PITPNM3: variants seen among roughly 807,000 people sequenced by gnomAD.
The protein encoded by PITPNM3 is membrane-associated phosphatidylinositol transfer protein 3.
PITPNM3 carries 26 observed loss-of-function variants against 102.0 expected under a neutral mutation model. The observed-to-expected ratio is 0.25, with a 90% CI of 0.19 to 0.35. PITPNM3 has a LOEUF of 0.35. PITPNM3 is among the 10% of genes least tolerant of loss of function. PITPNM3 has a pLI of 1.00. For missense variants in PITPNM3, 1,083 were observed against 1,346.1 expected (o/e 0.80, Z 3.06); for synonymous variants, 578 against 558.6 (o/e 1.03, Z -0.49).
chr17:6,485,656 T>C (rs184908073), intron 4 of PITPNM3, among the ~76,000 whole-genome samples: 2 of 152,374 alleles, frequency 1.3e-5, no homozygotes, highest in Admixed American at 1.3e-4. Flanking sequence ...GAAACATTAC[T>C]GGCATTGCCC....
At chr17:6,474,410 C>T (rs775627216) in intron 10 of PITPNM3, 22 bp downstream of exon 10, 4 of 1,611,754 alleles carry the variant, frequency 2.5e-6, no homozygotes, top group Non-Finnish European at 3.4e-6. Context: ...GCACCTCAGG[C>T]CCCAGCCCAC....
chr17:6,476,899 G>T, intron 9 of PITPNM3, 130 bp downstream of exon 9: 1 of 1,135,940 alleles, frequency 8.8e-7, no homozygotes. Context: ...GATGGCGAGT[G>T]GCCTTGGTCC....
rs374737546 is a variant in PITPNM3 at position 6,457,745 on chromosome 17, G to A, written c.2491-23C>T. 36 of 1,566,266 alleles carry A rather than the reference G, an allele frequency of 2.3e-5. No homozygotes were observed. Among genetic ancestry groups the A allele is most frequent in the Non-Finnish European group, 3.0e-5 (35 of 1,155,176 alleles). On this transcript the variant is annotated intron_variant, in intron 18 of 19. Coordinates refer to ENST00000262483, the MANE Select transcript of PITPNM3 (RefSeq NM_031220.4). This position sits in a 1 kb window ranked among gnomAD's most constrained non-coding sequence, Gnocchi z 4.7. ...GCACTGAAACACAGGGCAGGCATAG[G>A]GGGAGAGTGAGGCCAGCCCACCCCC...
At chr17:6,503,416 G>A (rs1907302444) in intron 4 of PITPNM3, 111 bp downstream of exon 4, 12 of 1,291,808 alleles carry the variant, frequency 9.3e-6, no homozygotes, top group South Asian at 1.2e-5. Flanking sequence ...CAAGATGGCA[G>A]GGATCCTGCC....
At position 6,468,711 on chromosome 17, in the gene PITPNM3, A is replaced by AGCCATGCTCCCCTCCC. The variant is rs1904910126; in HGVS notation, c.1774-386_1774-371dup. On this transcript the variant is annotated intron_variant, in intron 13 of 19. Coordinates refer to ENST00000262483, the MANE Select transcript of PITPNM3 (RefSeq NM_031220.4). The surrounding 1 kb of genome is among the most constrained non-coding windows in gnomAD (Gnocchi z 5.2). ...CCTTGCTTCTTGAGGACGTTGCTCC[A>AGCCATGCTCCCCTCCC]GCCATGCTCCCCTCCCAATCCCGCA... 6.6e-6 allele frequency among the ~76,000 whole-genome samples: 1 copy of AGCCATGCTCCCCTCCC among 152,144 alleles called. No individual in the cohort carries two copies.
intron 3 of PITPNM3, among the ~76,000 whole-genome samples, chr17:6,513,926 T>C (rs1156501141): frequency 7.9e-5 from 12 of 152,232 alleles, no homozygotes; most frequent in African/African-American, 2.7e-4. Flanking sequence ...TATTAACATA[T>C]ACACCTGAGT....
intron 3 of PITPNM3, among the ~76,000 whole-genome samples, chr17:6,516,494 G>T (rs1286151997): frequency 6.6e-6 from 1 of 151,164 alleles, no homozygotes; most frequent in Non-Finnish European, 1.5e-5. Flanking sequence ...AACCCAGGAG[G>T]CGGAGCTTGC....
intron 3 of PITPNM3, among the ~76,000 whole-genome samples, chr17:6,515,346 C>T (rs188856374): frequency 3.5e-5 from 5 of 143,620 alleles, no homozygotes; most frequent in East Asian, 4.1e-4. Context: ...TGCAGTGAGC[C>T]GAGGTTGCAC....
rs1325646976 is a variant in PITPNM3 at position 6,478,641 on chromosome 17, T to C, written c.683A>G (p.Gln228Arg). 6.2e-7 allele frequency: 1 copy of C among 1,613,904 alleles called. No homozygotes were observed. Among genetic ancestry groups the C allele is most frequent in the Non-Finnish European group, 8.5e-7 (1 of 1,179,966 alleles). The part of the protein sequence containing the change: ...ALPLLAISSP[Q>R]YQDAVATVIE... ...GACGGTGGCGACAGCATCCTGGTACTGCGGGGAGGAGATGGCCAACAGGGG... is the reference window on the plus strand; with the variant it reads ...GACGGTGGCGACAGCATCCTGGTACCGCGGGGAGGAGATGGCCAACAGGGG... Residue 228 changes from glutamine to arginine, a missense_variant, in exon 7 of 20, where the codon CAG (glutamine) becomes CGG (arginine). Physicochemically the swap from Gln to Arg is conservative, Grantham distance 43 (BLOSUM62 1). Transcript: ENST00000262483. This position sits in a 1 kb window ranked among gnomAD's most constrained non-coding sequence, Gnocchi z 4.4.
chr17:6,530,152 A>G (rs1909066061), intron 2 of PITPNM3, among the ~76,000 whole-genome samples: 1 of 152,230 alleles, frequency 6.6e-6, no homozygotes, highest in South Asian at 2.1e-4. Flanking sequence ...ACAGTCAGTG[A>G]CAACTATCAT....
chr17:6,471,388 A>T, intron 11 of PITPNM3, 33 bp from the exon 12 acceptor site: 2 of 1,521,124 alleles, frequency 1.3e-6, no homozygotes, highest in Non-Finnish European at 1.8e-6. Context: ...AGGCTGAGTC[A>T]CGTGTCTCCA....
chr17:6,471,442 C>T lies in PITPNM3; in HGVS notation c.1430-87G>A, dbSNP rs1449318189. 2.2e-5 allele frequency: 29 copies of T among 1,314,814 alleles called. No individual in the cohort carries two copies. In the Admixed American group the frequency reaches 7.3e-4, roughly 33 times the overall value. The allele number at this position is 1,314,814 out of a possible 1,614,324, so 81.4% of individuals were successfully genotyped here. A position where few individuals can be genotyped will look rare whatever the true frequency, so the allele number is the denominator to read the frequency against. ...TGCCAGCCCCATGCTGGGAGGGAGG[C>T]TGGGCACTTGGAGGAGTCAGCCCCG... On this transcript the variant is annotated intron_variant, in intron 11 of 19. Coordinates refer to ENST00000262483, the MANE Select transcript of PITPNM3 (RefSeq NM_031220.4).
In PITPNM3 at chr17:6,551,735, ATTTTT is replaced by A. The variant is rs199818713; in HGVS notation, c.22+4645_22+4649del. 5.3e-5 allele frequency among the ~76,000 whole-genome samples: 8 copies of A among 149,602 alleles called. No homozygotes were observed. In the East Asian group the frequency reaches 1.4e-3, roughly 26 times the overall value. ...TTATGAAAAAAAAAGTATTAAAAAA[ATTTTT>A]TTTTTTTTAATCTGCGCTAGTCCCC... On this transcript the variant is annotated intron_variant, in intron 1 of 19. Coordinates refer to ENST00000262483, the MANE Select transcript of PITPNM3 (RefSeq NM_031220.4).
intron 1 of PITPNM3, among the ~76,000 whole-genome samples, chr17:6,547,980 G>A (rs902297645): frequency 2.4e-4 from 37 of 151,778 alleles, no homozygotes; most frequent in African/African-American, 7.0e-4. Context: ...CACCTGCCTC[G>A]GCCTCCCAAA....
At position 6,478,141 on chromosome 17, in the gene PITPNM3, C is replaced by A. The variant is rs774487787; in HGVS notation, c.778-44G>T. On this transcript the variant is annotated intron_variant, in intron 7 of 19. Transcript: ENST00000262483. The surrounding 1 kb of genome is among the most constrained non-coding windows in gnomAD (Gnocchi z 4.4). ...GGACTGCAGGCCTGCCCACTGCTGACCCCTCACCCCCACACCCGGCCAGAG... is the reference window on the plus strand; with the variant it reads ...GGACTGCAGGCCTGCCCACTGCTGAACCCTCACCCCCACACCCGGCCAGAG... The A allele has an allele frequency of 4.3e-6, 7 of 1,610,076 alleles. No individual in the cohort carries two copies. In the Admixed American group the frequency reaches 1.2e-4, roughly 27 times the overall value.
chr17:6,509,180 C>T (rs912620778), intron 3 of PITPNM3, among the ~76,000 whole-genome samples: 1 of 152,188 alleles, frequency 6.6e-6, no homozygotes, highest in Admixed American at 6.5e-5. Context: ...GGCTGAGCCA[C>T]ATCATCTTTT....
intron 2 of PITPNM3, among the ~76,000 whole-genome samples, chr17:6,530,236 G>A (rs947525865): frequency 6.6e-6 from 1 of 152,202 alleles, no homozygotes; most frequent in Non-Finnish European, 1.5e-5. Flanking sequence ...CCTTGGGGTT[G>A]GAAACTGCCG....
chr17:6,473,383 A>G (rs1156689121), intron 10 of PITPNM3, among the ~76,000 whole-genome samples: 1 of 152,098 alleles, frequency 6.6e-6, no homozygotes, highest in Non-Finnish European at 1.5e-5. Context: ...TCCTCCTAGA[A>G]CAGGGACTGG....
At position 6,470,035 on chromosome 17, in the gene PITPNM3, A is replaced by G. The variant is rs1443184287; in HGVS notation, c.1773+225T>C. On this transcript the variant is annotated intron_variant, in intron 13 of 19. Coordinates refer to ENST00000262483, the MANE Select transcript of PITPNM3 (RefSeq NM_031220.4). The surrounding 1 kb of genome is among the most constrained non-coding windows in gnomAD (Gnocchi z 4.8). ...GCGTAGTTTATATTTAATTTTCTAG[A>G]GTGTACCATGCCGTCAGCCACCCAG... is the stretch of plus-strand genomic sequence containing the variant. Among the ~76,000 whole-genome samples, 1 of 152,126 alleles carries G rather than the reference A, an allele frequency of 6.6e-6. No individual in the cohort carries two copies. The highest frequency in any genetic ancestry group is 1.5e-5 in the Non-Finnish European group (1 of 68,020).
Sources: allele counts gnomAD v4.1 joint callset (sites outside exome capture counted in the v4.1 genomes callset), GRCh38; gene constraint gnomAD v4.1.1; non-coding constraint Gnocchi (gnomAD v3.1); transcripts MANE v1.5; gene names NCBI Gene and HGNC (gene_info 2026-07-23, HGNC 2026-07-21).